The following FOXP2 variants were observed in gnomAD, a reference collection of about 807,000 sequenced individuals.
The protein encoded by FOXP2 is forkhead box P2, also known as forkhead box protein P2.
In FOXP2, 12 loss-of-function variants were observed where a neutral mutation model predicts 115.8. That is an observed-to-expected ratio of 0.10 (90% CI 0.07 to 0.17). The LOEUF (loss-of-function observed/expected upper bound fraction) is 0.17, where lower values mean the gene tolerates loss of function less well. Ranked by LOEUF, FOXP2 falls within the 10% of genes least tolerant of loss-of-function variation. The probability of loss-of-function intolerance (pLI) is 1.00; values close to 1 mark genes in which losing one functional copy is unlikely to be tolerated. For missense variants in FOXP2, 629 were observed against 843.5 expected, an observed-to-expected ratio of 0.75 and a Z score of 3.15; for synonymous variants, 328 against 297.7, an observed-to-expected ratio of 1.10 and a Z score of -1.05.
chr7:114,214,272 G>A (rs1222088270), intron 1 of FOXP2, among the ~76,000 whole-genome samples: 1 of 152,118 alleles, frequency 6.6e-6, no homozygotes, highest in Non-Finnish European at 1.5e-5. Context: ...ATAAAACCAA[G>A]CAATTTGATC....
intron 3 of FOXP2, among the ~76,000 whole-genome samples, chr7:114,571,500 T>G (rs965668113): frequency 2.6e-5 from 4 of 151,838 alleles, no homozygotes; most frequent in African/African-American, 9.7e-5. Flanking sequence ...TAAGAAATCT[T>G]GAAACATATA....
intron 1 of FOXP2, among the ~76,000 whole-genome samples, chr7:114,178,525 T>C (rs1036087978): frequency 2.6e-5 from 4 of 151,968 alleles, no homozygotes; most frequent in East Asian, 1.9e-4. Flanking sequence ...GTTGCTCCCA[T>C]TGAATTTTAT....
chr7:114,346,638 C>G (rs1446328474), intron 2 of FOXP2, among the ~76,000 whole-genome samples: 1 of 151,594 alleles, frequency 6.6e-6, no homozygotes, highest in Non-Finnish European at 1.5e-5. Context: ...ATAGATGAAC[C>G]AGGATAACAT....
chr7:114,675,759 A>G (rs1485190398), intron 16 of FOXP2, among the ~76,000 whole-genome samples: 3 of 152,164 alleles, frequency 2.0e-5, no homozygotes, highest in African/African-American at 7.2e-5. Flanking sequence ...GTCAAAATCT[A>G]TGCATATCAA....
rs567142887 is a variant in FOXP2, at chr7:114,652,084, C to T, written c.1095-119C>T. ...AACTTTTATCTGTATGGTTTCAAGG[C>T]TTTCTGTTTTCCCAGTGCACAGAAA... On this transcript the variant is annotated intron_variant, in intron 8 of 16. Transcript: ENST00000350908. 423 of 876,936 alleles carry T rather than the reference C, an allele frequency of 4.8e-4. 11 individuals carry two copies. The highest frequency in any genetic ancestry group is 3.9e-3 in the South Asian group (280 of 71,322). 54.3% of individuals were successfully genotyped at this position (876,936 alleles called of 1,614,324 possible).
intron 2 of FOXP2, among the ~76,000 whole-genome samples, chr7:114,457,263 T>C (rs1795350417): frequency 1.3e-5 from 2 of 152,186 alleles, no homozygotes; most frequent in African/African-American, 4.8e-5. Flanking sequence ...CAAAACCATA[T>C]TGTTCATCTT....
chr7:114,565,881 C>T (rs1254075483), intron 3 of FOXP2, among the ~76,000 whole-genome samples: 2 of 152,170 alleles, frequency 1.3e-5, no homozygotes, highest in African/African-American at 4.8e-5. Context: ...AAGAGAACAA[C>T]TTCTGTGATC....
chr7:114,377,173 A>C (rs899700167), intron 2 of FOXP2, among the ~76,000 whole-genome samples: 7 of 152,196 alleles, frequency 4.6e-5, no homozygotes, highest in Non-Finnish European at 7.3e-5. Flanking sequence ...TGGTGACATT[A>C]CTGTGCGATT....
intron 6 of FOXP2, among the ~76,000 whole-genome samples, chr7:114,637,252 A>T (rs1392905839): frequency 6.6e-6 from 1 of 152,198 alleles, no homozygotes; most frequent in African/African-American, 2.4e-5. Flanking sequence ...CTCCTGTGGT[A>T]AAAACCTTTT....
chr7:114,271,596 TATA>T (rs980369061), intron 1 of FOXP2, among the ~76,000 whole-genome samples: 24 of 124,312 alleles, frequency 1.9e-4, no homozygotes, highest in African/African-American at 4.0e-4. Flanking sequence ...ATTATTATAA[TATA>T]ATATTAATAT....
At position 114,513,105 on chromosome 7, in the gene FOXP2, C is replaced by T. The variant is rs541335132; in HGVS notation, c.169-21512C>T. Among the ~76,000 whole-genome samples the T allele has an allele frequency of 2.6e-5, 4 of 152,130 alleles. No individual in the cohort carries two copies. The South Asian group carries it at 8.3e-4, about 32-fold the overall frequency. ...CTCAAAACAAAACAAACAACAACAA[C>T]AAAACACTATTACCTTGGTTAAATT... On this transcript the variant is annotated intron_variant, in intron 2 of 16. Transcript: ENST00000350908.
In FOXP2 at chr7:114,419,192, CTA is replaced by C. The variant is rs138457730; in HGVS notation, c.-11+3834_-11+3835del. On this transcript the variant is annotated intron_variant, in intron 1 of 16. Transcript: ENST00000350908. Reference sequence around the variant, plus strand: ...ATGTAGTATGTCAAATTTTGATAATCTATGTGTATTAAATATATACTTTATGA... The same window carrying C: ...ATGTAGTATGTCAAATTTTGATAATCTGTGTATTAAATATATACTTTATGA... Among the ~76,000 whole-genome samples the C allele has an allele frequency of 7.2e-3, 1,094 of 151,924 alleles. 16 individuals carry two copies. Among genetic ancestry groups the C allele is most frequent in the African/African-American group, 0.025 (1,033 of 41,458 alleles).
chr7:114,257,886 T>C (rs981599466), intron 1 of FOXP2, among the ~76,000 whole-genome samples: 5 of 152,132 alleles, frequency 3.3e-5, no homozygotes, highest in African/African-American at 1.2e-4. Flanking sequence ...TTTGTATGCT[T>C]AAAGAACAAC....
At chr7:114,427,726 G>A (rs1793920956) in intron 2 of FOXP2, among the ~76,000 whole-genome samples, 1 of 151,262 alleles carries the variant, frequency 6.6e-6, no homozygotes. Context: ...AAAAGTTAAA[G>A]CAAATGCCCA....
intron 3 of FOXP2, among the ~76,000 whole-genome samples, chr7:114,574,716 A>G (rs1801488572): frequency 6.6e-6 from 1 of 151,896 alleles, no homozygotes; most frequent in Non-Finnish European, 1.5e-5. Context: ...ACTGTTTTAC[A>G]TAGGATTCTG....
intron 16 of FOXP2, among the ~76,000 whole-genome samples, chr7:114,687,405 A>T (rs2129353089): frequency 6.6e-6 from 1 of 152,350 alleles, no homozygotes; most frequent in South Asian, 2.1e-4. Context: ...GAATTCAAAG[A>T]TACATAGTAC....
chr7:114,491,469 T>C (rs1043275426), intron 2 of FOXP2, among the ~76,000 whole-genome samples: 1 of 151,960 alleles, frequency 6.6e-6, no homozygotes, highest in African/African-American at 2.4e-5. Context: ...CTGTTCACTC[T>C]GATGGTAGTT....
rs755229044 is a variant in FOXP2 at position 114,693,669 on chromosome 7, T to C, written c.*3743T>C. 2 of 404,912 alleles carry C rather than the reference T, an allele frequency of 4.9e-6. No homozygotes were observed. Among genetic ancestry groups the C allele is most frequent in the South Asian group, 3.6e-5 (2 of 55,274 alleles). The allele number at this position is 404,912 out of a possible 1,614,324, so 25.1% of individuals were successfully genotyped here. A position where few individuals can be genotyped will look rare whatever the true frequency, so the allele number is the denominator to read the frequency against. On this transcript the variant is annotated 3_prime_UTR_variant, in exon 17 of 17. Transcript: ENST00000350908. Reference sequence around the variant, plus strand: ...ATAGAATTAATGTATGAACAGTGTGTCACTGCTGTTGGATGTAAAAATGTA... The same window carrying C: ...ATAGAATTAATGTATGAACAGTGTGCCACTGCTGTTGGATGTAAAAATGTA...
At chr7:114,381,816 T>C (rs974877844) in intron 2 of FOXP2, among the ~76,000 whole-genome samples, 8 of 152,052 alleles carry the variant, frequency 5.3e-5, no homozygotes, top group Admixed American at 6.6e-5. Flanking sequence ...TTTACAATCT[T>C]TTGGAGTTCT....
Sources: allele counts gnomAD v4.1 joint callset (sites outside exome capture counted in the v4.1 genomes callset), GRCh38; gene constraint gnomAD v4.1.1; transcripts MANE v1.5; gene names NCBI Gene and HGNC (gene_info 2026-07-23, HGNC 2026-07-21).